ACER3: variants seen among roughly 807,000 people sequenced by gnomAD.
ACER3 encodes alkaline ceramidase 3.
In ACER3, 16 loss-of-function variants were observed where a neutral mutation model predicts 48.9. That is an observed-to-expected ratio of 0.33 (90% confidence interval 0.22 to 0.50). The LOEUF is 0.50. Among genes scored for constraint, ACER3 ranks in the 20% least tolerant of loss-of-function variants. ACER3 has a pLI of 0.98. For synonymous variants in ACER3, 109 were observed against 107.8 expected, an observed-to-expected ratio of 1.01 and a Z score of -0.07; for missense variants, 227 against 326.0, an observed-to-expected ratio of 0.70 and a Z score of 2.34.
intron 1 of ACER3, among the ~76,000 whole-genome samples, chr11:76,895,215 T>A (rs1302772183): frequency 6.6e-6 from 1 of 152,178 alleles, no homozygotes; most frequent in East Asian, 1.9e-4. Flanking sequence ...AAATCCCATA[T>A]GTTTTTGGGC....
At chr11:76,957,094 T>G (rs1478255024) in intron 2 of ACER3, among the ~76,000 whole-genome samples, 1 of 152,218 alleles carries the variant, frequency 6.6e-6, no homozygotes, top group African/African-American at 2.4e-5. Flanking sequence ...TCCTTCTCTG[T>G]GCTTCTGTGG....
chr11:76,963,934 G>C (rs1204171189), intron 3 of ACER3, among the ~76,000 whole-genome samples: 1 of 151,430 alleles, frequency 6.6e-6, no homozygotes, highest in Non-Finnish European at 1.5e-5. Context: ...GAGGTACCGG[G>C]TTCATCTCAC....
intron 7 of ACER3, among the ~76,000 whole-genome samples, chr11:77,000,371 A>G (rs1219688225): frequency 6.6e-6 from 1 of 152,124 alleles, no homozygotes; most frequent in Non-Finnish European, 1.5e-5. Context: ...TCTTTCTCCC[A>G]ATCTATAACT....
chr11:76,864,252 G>A (rs1945016684), intron 1 of ACER3, among the ~76,000 whole-genome samples: 2 of 152,186 alleles, frequency 1.3e-5, no homozygotes, highest in South Asian at 4.1e-4. Context: ...TAAGCCCCTT[G>A]ACCTGCCAGA....
chr11:76,901,371 G>A (rs1307940731), intron 1 of ACER3, among the ~76,000 whole-genome samples: 2 of 152,118 alleles, frequency 1.3e-5, no homozygotes, highest in Admixed American at 6.5e-5. Flanking sequence ...AAGCGTTCTT[G>A]TTTTCCAGGC....
intron 1 of ACER3, among the ~76,000 whole-genome samples, chr11:76,888,686 A>G: frequency 2.0e-5 from 1 of 49,332 alleles, no homozygotes; most frequent in South Asian, 8.3e-4. Flanking sequence ...GGCAGACCAC[A>G]ACATAGTAGC....
chr11:76,871,788 C>G (rs890585876), intron 1 of ACER3, among the ~76,000 whole-genome samples: 3 of 152,168 alleles, frequency 2.0e-5, no homozygotes, highest in Non-Finnish European at 4.4e-5. Context: ...CTACAAGAGA[C>G]AGCTTTGCAG....
chr11:76,901,269 T>TA lies in ACER3; in HGVS notation c.104-25288_104-25287insA, dbSNP rs1159369014. 1.2e-3 allele frequency among the ~76,000 whole-genome samples: 107 copies of TA among 91,254 alleles called. 1 individual carries two copies. Among genetic ancestry groups the TA allele is most frequent in the African/African-American group, 3.1e-3 (103 of 33,316 alleles). 59.9% of individuals were successfully genotyped at this position (91,254 alleles called of 152,430 possible). ...GGCATTGTCCAACATTGTCCAACAT[T>TA]TAAAAAAAAAAAAAACTTTTAAAAG... On this transcript the variant is annotated intron_variant, in intron 1 of 10. Transcript: ENST00000532485.
intron 1 of ACER3, among the ~76,000 whole-genome samples, chr11:76,901,942 G>C (rs1020599371): frequency 2.0e-5 from 3 of 152,062 alleles, no homozygotes; most frequent in African/African-American, 7.2e-5. Context: ...TTGGACATAA[G>C]ACAATGTGAG....
intron 6 of ACER3, among the ~76,000 whole-genome samples, chr11:76,996,047 T>C (rs564313689): frequency 1.3e-5 from 2 of 152,134 alleles, no homozygotes; most frequent in African/African-American, 2.4e-5. Flanking sequence ...TCCCTAGTCT[T>C]TCTTCTCTTC....
intron 6 of ACER3, among the ~76,000 whole-genome samples, chr11:76,991,663 AAAATTAG>A (rs1302990006): frequency 6.6e-6 from 1 of 151,948 alleles, no homozygotes; most frequent in Non-Finnish European, 1.5e-5. Flanking sequence ...TAAAAATACA[AAAATTAG>A]CTGGGCATGG....
intron 5 of ACER3, among the ~76,000 whole-genome samples, chr11:76,986,103 T>C (rs568764888): frequency 1.3e-5 from 2 of 152,332 alleles, no homozygotes; most frequent in Middle Eastern, 3.4e-3. Context: ...CTCTAGTAAG[T>C]TGAGATAGCT....
At chr11:76,994,933 A>C (rs1948881922) in intron 6 of ACER3, among the ~76,000 whole-genome samples, 1 of 152,136 alleles carries the variant, frequency 6.6e-6, no homozygotes. Flanking sequence ...TCAGATTCTC[A>C]TTTTAGACAG....
Position 76,959,043 on chromosome 11 carries a change from T to A in ACER3, c.267+12T>A. The A allele has an allele frequency of 6.2e-7, 1 of 1,613,882 alleles. No individual in the cohort carries two copies. The highest frequency in any genetic ancestry group is 8.5e-7 in the Non-Finnish European group (1 of 1,179,962). On this transcript the variant is annotated intron_variant, in intron 3 of 10. Coordinates refer to ENST00000532485, the MANE Select transcript of ACER3 (RefSeq NM_018367.7). Reference sequence around the variant, plus strand: ...AATATGAAATGCAGGTTAGTAATGATGAAATTGACAAATGCTTATTTCTCT... The same window carrying A: ...AATATGAAATGCAGGTTAGTAATGAAGAAATTGACAAATGCTTATTTCTCT...
intron 1 of ACER3, among the ~76,000 whole-genome samples, chr11:76,912,781 T>C (rs1517905): frequency 0.59 from 90,130 of 151,926 alleles, 28,958 homozygotes; most frequent in Non-Finnish European, 0.73. Flanking sequence ...ATTTTTATGC[T>C]ATTTAATGAC....
At chr11:76,989,087 A>G (rs1948743856) in intron 5 of ACER3, among the ~76,000 whole-genome samples, 1 of 152,182 alleles carries the variant, frequency 6.6e-6, no homozygotes, top group African/African-American at 2.4e-5. Flanking sequence ...ATTAGTAACA[A>G]TGGGAATCTG....
chr11:77,015,374 T>C, intron 8 of ACER3: 1 of 289,752 alleles, frequency 3.5e-6, no homozygotes, highest in Non-Finnish European at 6.3e-6. Flanking sequence ...ACTATATAGT[T>C]AATCAAATGT....
chr11:77,005,989 A>AT (rs1353902634), intron 7 of ACER3, among the ~76,000 whole-genome samples: 64 of 93,884 alleles, frequency 6.8e-4, no homozygotes, highest in Middle Eastern at 5.7e-3. Context: ...ATATATATAT[A>AT]TATTTTTTTT....
intron 7 of ACER3, among the ~76,000 whole-genome samples, chr11:77,014,149 A>G (rs1167592326): frequency 1.3e-5 from 2 of 152,232 alleles, no homozygotes; most frequent in Non-Finnish European, 2.9e-5. Context: ...CATTGAAGCT[A>G]TAAAACATAG....
Sources: gnomAD v4.1 joint callset for allele counts (sites outside exome capture counted in the v4.1 genomes callset) on GRCh38, gnomAD v4.1.1 for gene constraint, MANE v1.5 for transcripts, NCBI Gene and HGNC (gene_info 2026-07-23, HGNC 2026-07-21) for gene names.